HS3ST4: variants seen among roughly 807,000 people sequenced by gnomAD.
The protein encoded by HS3ST4 is heparan sulfate glucosamine 3-O-sulfotransferase 4.
Under a neutral mutation model 29.2 loss-of-function variants are expected in HS3ST4, and 17 were observed. That is an observed-to-expected ratio of 0.58 (90% CI 0.40 to 0.87). The LOEUF (loss-of-function observed/expected upper bound fraction) is 0.87, where lower values mean the gene tolerates loss of function less well. Among genes scored for constraint, HS3ST4 ranks in the 40% least tolerant of loss-of-function variants. HS3ST4 has a pLI of 0.00. For missense variants in HS3ST4, 627 were observed against 634.5 expected (o/e 0.99, Z 0.13); for synonymous variants, 314 against 285.7 (o/e 1.10, Z -1.00).
intron 1 of HS3ST4, among the ~76,000 whole-genome samples, chr16:26,073,958 T>C (rs1363709258): frequency 2.0e-5 from 3 of 152,240 alleles, no homozygotes; most frequent in Non-Finnish European, 4.4e-5. Context: ...ACTACTTGAA[T>C]ATTACTATAA....
At chr16:25,804,343 C>T (rs1475751683) in intron 1 of HS3ST4, among the ~76,000 whole-genome samples, 2 of 152,312 alleles carry the variant, frequency 1.3e-5, no homozygotes, top group East Asian at 1.9e-4. Flanking sequence ...TTTTGCTCAA[C>T]GAGGTGATGA....
Position 25,881,123 on chromosome 16 carries a change from T to G in HS3ST4, c.734+187972T>G, listed in dbSNP as rs377261584. Among the ~76,000 whole-genome samples, 12 of 152,174 alleles carry G rather than the reference T, an allele frequency of 7.9e-5. 1 individual carries two copies. The South Asian group carries it at 2.5e-3, about 32-fold the overall frequency. ...AGGCTGGAAATTTAGGGAAGGGATG[T>G]CCTAGTGGAAAAAATAAATAAACAA... is the stretch of plus-strand genomic sequence containing the variant. On this transcript the variant is annotated intron_variant, in intron 1 of 1. Transcript: ENST00000331351.
intron 1 of HS3ST4, among the ~76,000 whole-genome samples, chr16:25,957,481 G>A (rs1182256386): frequency 4.6e-5 from 7 of 152,002 alleles, no homozygotes; most frequent in Non-Finnish European, 7.4e-5. Flanking sequence ...GCAATGGCGC[G>A]ATCTCCACTC....
At chr16:25,745,128 G>GT (rs1567231603) in intron 1 of HS3ST4, among the ~76,000 whole-genome samples, 1 of 152,092 alleles carries the variant, frequency 6.6e-6, no homozygotes, top group Non-Finnish European at 1.5e-5. Context: ...CACACGCTTA[G>GT]TTGCAAGAGG....
At chr16:25,828,356 C>CTCTTTCCCCCTTTCTCTCTT in intron 1 of HS3ST4, among the ~76,000 whole-genome samples, 1 of 141,492 alleles carries the variant, frequency 7.1e-6, no homozygotes, top group Non-Finnish European at 1.5e-5. Context: ...CTTTCTCTCT[C>CTCTTTCCCCCTTTCTCTCTT]TCTTTCCAGC....
chr16:25,863,039 T>A (rs1429505506), intron 1 of HS3ST4, among the ~76,000 whole-genome samples: 1 of 152,238 alleles, frequency 6.6e-6, no homozygotes, highest in Admixed American at 6.5e-5. Context: ...GGCATTTCAT[T>A]TGGCTATTTG....
At chr16:26,090,122 C>G (rs923092263) in intron 1 of HS3ST4, among the ~76,000 whole-genome samples, 1 of 152,066 alleles carries the variant, frequency 6.6e-6, no homozygotes, top group African/African-American at 2.4e-5. Context: ...TTTCTGTCCC[C>G]TAATTTTCAC....
chr16:25,913,196 G>A (rs959837447), intron 1 of HS3ST4, among the ~76,000 whole-genome samples: 1 of 152,244 alleles, frequency 6.6e-6, no homozygotes, highest in Non-Finnish European at 1.5e-5. Flanking sequence ...GGATACTGAT[G>A]CTGTTGATTA....
At chr16:25,706,763 G>T (rs1966378983) in intron 1 of HS3ST4, among the ~76,000 whole-genome samples, 1 of 152,198 alleles carries the variant, frequency 6.6e-6, no homozygotes, top group East Asian at 1.9e-4. Flanking sequence ...CAGATGGAAT[G>T]AAGATTATGA....
At chr16:25,914,270 G>A (rs373394402) in intron 1 of HS3ST4, among the ~76,000 whole-genome samples, 72 of 151,142 alleles carry the variant, frequency 4.8e-4, no homozygotes, top group African/African-American at 1.7e-3. Flanking sequence ...CATGTGTGGG[G>A]TGTGTGTGGG....
intron 1 of HS3ST4, among the ~76,000 whole-genome samples, chr16:26,093,446 T>A (rs1050658498): frequency 1.3e-5 from 2 of 152,244 alleles, no homozygotes; most frequent in Non-Finnish European, 2.9e-5. Flanking sequence ...TTCTGCAGCC[T>A]CTGCTGATGA....
intron 1 of HS3ST4, among the ~76,000 whole-genome samples, chr16:25,970,836 C>T (rs1968890006): frequency 6.6e-6 from 1 of 151,924 alleles, no homozygotes; most frequent in Non-Finnish European, 1.5e-5. Flanking sequence ...TTACATGACA[C>T]CTTTTGTACA....
intron 1 of HS3ST4, among the ~76,000 whole-genome samples, chr16:25,831,396 T>TGCAC (rs557858858): frequency 1.6e-5 from 2 of 126,074 alleles, no homozygotes; most frequent in East Asian, 2.6e-4. Flanking sequence ...ACCCCGTCTC[T>TGCAC]ACACACACAC....
At chr16:26,092,089 C>A (rs1305684688) in intron 1 of HS3ST4, among the ~76,000 whole-genome samples, 1 of 152,038 alleles carries the variant, frequency 6.6e-6, no homozygotes, top group African/African-American at 2.4e-5. Context: ...TGGGAGGCAA[C>A]CTGGATCCTC....
At chr16:25,961,108 C>G (rs888546878) in intron 1 of HS3ST4, among the ~76,000 whole-genome samples, 3 of 152,186 alleles carry the variant, frequency 2.0e-5, no homozygotes, top group African/African-American at 4.8e-5. Context: ...AATATATCTT[C>G]CATCTTCCAT....
intron 1 of HS3ST4, among the ~76,000 whole-genome samples, chr16:25,908,265 G>A (rs1968198947): frequency 6.6e-6 from 1 of 152,238 alleles, no homozygotes; most frequent in African/African-American, 2.4e-5. Context: ...AAATCATGGA[G>A]TGATGTATTT....
chr16:25,870,319 A>G (rs1567260398), intron 1 of HS3ST4, among the ~76,000 whole-genome samples: 1 of 152,184 alleles, frequency 6.6e-6, no homozygotes, highest in Non-Finnish European at 1.5e-5. Flanking sequence ...CTTGGAACTT[A>G]TAGTTAAGGA....
chr16:25,765,566 A>G (rs1031756618), intron 1 of HS3ST4, among the ~76,000 whole-genome samples: 37 of 152,186 alleles, frequency 2.4e-4, no homozygotes, highest in African/African-American at 8.7e-4. Context: ...AGGACTCAGG[A>G]CTGGGGCACA....
chr16:26,008,942 C>G (rs995567146), intron 1 of HS3ST4, among the ~76,000 whole-genome samples: 1 of 152,216 alleles, frequency 6.6e-6, no homozygotes, highest in African/African-American at 2.4e-5. Context: ...TAGCAGCACC[C>G]ACGCCTAGCA....
Sources: allele counts gnomAD v4.1 joint callset (sites outside exome capture counted in the v4.1 genomes callset), GRCh38; gene constraint gnomAD v4.1.1; transcripts MANE v1.5; gene names NCBI Gene and HGNC (gene_info 2026-07-23, HGNC 2026-07-21).